MBD5: variants seen among roughly 807,000 people sequenced by gnomAD.
The protein encoded by MBD5 is methyl-CpG binding domain protein 5.
In MBD5, 13 loss-of-function variants were observed where a neutral mutation model predicts 117.3. That is an observed-to-expected ratio of 0.11 (90% CI 0.07 to 0.18). The LOEUF (loss-of-function observed/expected upper bound fraction) is 0.18, where lower values mean the gene tolerates loss of function less well. Among genes scored for constraint, MBD5 ranks in the 10% least tolerant of loss-of-function variants. The pLI is 1.00. For missense variants in MBD5, 1,879 were observed against 2,093.8 expected (o/e 0.90, Z 2.00); for synonymous variants, 727 against 766.4 (o/e 0.95, Z 0.85).
chr2:148,462,585 C>A lies in MBD5; in HGVS notation c.117C>A (p.Pro39=). The A allele has an allele frequency of 6.3e-7, 1 of 1,588,222 alleles. No individual in the cohort carries two copies. Among genetic ancestry groups the A allele is most frequent in the Non-Finnish European group, 8.6e-7 (1 of 1,157,132 alleles). ...VDQNGVLYVS[P]SGSLLSCLEQ... is the part of the protein sequence containing the mutation. Reference sequence around the variant, plus strand: ...TTTTTTTAAACTATTTTTACAGTCCCAGTGGGTCTTTGTTATCTTGCTTGG... The same window carrying A: ...TTTTTTTAAACTATTTTTACAGTCCAAGTGGGTCTTTGTTATCTTGCTTGG... Residue 39 remains proline (P), a synonymous_variant, in exon 6 of 14, where the codon CCC becomes CCA. Coordinates refer to ENST00000642680, the MANE Select transcript of MBD5 (RefSeq NM_001378120.1).
rs544744049 is a variant in MBD5, at chr2:148,159,389, C to A, written c.-924-19311C>A. Among the ~76,000 whole-genome samples the A allele has an allele frequency of 3.3e-5, 5 of 152,206 alleles. No homozygotes were observed. The East Asian group carries it at 5.8e-4, about 18-fold the overall frequency. On this transcript the variant is annotated intron_variant, in intron 1 of 13. Transcript: ENST00000642680. Reference sequence around the variant, plus strand: ...CTGGAGTGCAGTGGTACGATTGGCTCACTACAACCTCCACCTCCCAGGCTC... The same window carrying A: ...CTGGAGTGCAGTGGTACGATTGGCTAACTACAACCTCCACCTCCCAGGCTC...
chr2:148,030,579 GA>G (rs1297308969), intron 1 of MBD5, among the ~76,000 whole-genome samples: 1 of 152,098 alleles, frequency 6.6e-6, no homozygotes, highest in Admixed American at 6.5e-5. Flanking sequence ...AGTACATTAA[GA>G]AAAAATCTGG....
At chr2:148,075,738 G>GTC (rs1695493397) in intron 1 of MBD5, among the ~76,000 whole-genome samples, 1 of 151,446 alleles carries the variant, frequency 6.6e-6, no homozygotes, top group Non-Finnish European at 1.5e-5. Context: ...ATCTATAGGC[G>GTC]TCTCACTCAG....
At chr2:148,172,388 G>T (rs1460728153) in intron 1 of MBD5, among the ~76,000 whole-genome samples, 1 of 152,214 alleles carries the variant, frequency 6.6e-6, no homozygotes, top group Non-Finnish European at 1.5e-5. Flanking sequence ...CCAGTCAAGT[G>T]TGTGCATGCT....
chr2:148,456,242 G>A (rs988631638), intron 4 of MBD5, among the ~76,000 whole-genome samples: 3 of 152,080 alleles, frequency 2.0e-5, no homozygotes, highest in African/African-American at 7.2e-5. Context: ...CAAGATAAAG[G>A]CACTGGCAGA....
chr2:148,481,562 A>G (rs1681154395), intron 8 of MBD5, among the ~76,000 whole-genome samples: 1 of 152,224 alleles, frequency 6.6e-6, no homozygotes, highest in Non-Finnish European at 1.5e-5. Context: ...GTGTATTCTT[A>G]AAATAATAAA....
intron 1 of MBD5, among the ~76,000 whole-genome samples, chr2:148,066,991 A>G (rs1288027234): frequency 5.3e-5 from 8 of 152,190 alleles, no homozygotes; most frequent in African/African-American, 1.9e-4. Flanking sequence ...AGCAAAAGTG[A>G]TGTTCCCAGT....
intron 4 of MBD5, among the ~76,000 whole-genome samples, chr2:148,388,047 T>C (rs567928812): frequency 6.6e-6 from 1 of 152,290 alleles, no homozygotes; most frequent in South Asian, 2.1e-4. Context: ...AAGATGGAAT[T>C]GGCTCTGTCA....
intron 4 of MBD5, among the ~76,000 whole-genome samples, chr2:148,425,799 C>G (rs1003600596): frequency 5.3e-5 from 8 of 152,152 alleles, no homozygotes; most frequent in African/African-American, 1.9e-4. Context: ...GTGATTATCT[C>G]AATAGATGCA....
chr2:148,304,316 A>G (rs1701840849), intron 3 of MBD5, among the ~76,000 whole-genome samples: 1 of 152,224 alleles, frequency 6.6e-6, no homozygotes, highest in African/African-American at 2.4e-5. Context: ...CAATTTGCAC[A>G]AAAGTGCCAC....
chr2:148,446,681 C>T (rs1309829021), intron 4 of MBD5, among the ~76,000 whole-genome samples: 1 of 150,158 alleles, frequency 6.7e-6, no homozygotes, highest in East Asian at 2.0e-4. Flanking sequence ...TTAATTATAT[C>T]AGAGCACCTA....
At chr2:148,368,021 G>A (rs770389673) in intron 4 of MBD5, among the ~76,000 whole-genome samples, 3 of 152,124 alleles carry the variant, frequency 2.0e-5, no homozygotes, top group Non-Finnish European at 4.4e-5. Context: ...AAAGACACAT[G>A]CTCATGTACG....
chr2:148,456,485 T>G (rs1459458401), intron 4 of MBD5, among the ~76,000 whole-genome samples: 1 of 152,188 alleles, frequency 6.6e-6, no homozygotes, highest in Non-Finnish European at 1.5e-5. Flanking sequence ...ACCATCTTTG[T>G]ACTCCCAGCA....
At position 148,145,631 on chromosome 2, in the gene MBD5, C is replaced by G. The variant is rs529189677; in HGVS notation, c.-924-33069C>G. On this transcript the variant is annotated intron_variant, in intron 1 of 13. Transcript: ENST00000642680. ...ATTTTGAGATACATCCCATCAATAC[C>G]TAGTTTATTGAGAGTTTTTAGCATG... 2.0e-5 allele frequency among the ~76,000 whole-genome samples: 3 copies of G among 152,224 alleles called. No individual in the cohort carries two copies. The East Asian group carries it at 5.8e-4, about 29-fold the overall frequency.
At chr2:148,410,855 A>C (rs1441502779) in intron 4 of MBD5, among the ~76,000 whole-genome samples, 1 of 152,102 alleles carries the variant, frequency 6.6e-6, no homozygotes, top group Non-Finnish European at 1.5e-5. Flanking sequence ...AGAAGTTTTA[A>C]TTTTTTTAAC....
intron 1 of MBD5, among the ~76,000 whole-genome samples, chr2:148,070,057 G>T (rs752258705): frequency 6.6e-6 from 1 of 152,090 alleles, no homozygotes; most frequent in South Asian, 2.1e-4. Flanking sequence ...CCAGCTGTAT[G>T]TTAAGGCCCA....
At chr2:148,462,150 T>A (rs1707103906) in intron 5 of MBD5, among the ~76,000 whole-genome samples, 1 of 152,176 alleles carries the variant, frequency 6.6e-6, no homozygotes, top group African/African-American at 2.4e-5. Context: ...TTGCCAACTT[T>A]CTGGTTCGAA....
intron 2 of MBD5, among the ~76,000 whole-genome samples, chr2:148,226,315 A>C (rs1699819404): frequency 6.6e-6 from 1 of 151,562 alleles, no homozygotes; most frequent in Non-Finnish European, 1.5e-5. Flanking sequence ...TCCTGTGTCC[A>C]TGTGTTCTCA....
intron 4 of MBD5, among the ~76,000 whole-genome samples, chr2:148,442,898 C>A (rs1302409677): frequency 6.6e-6 from 1 of 151,236 alleles, no homozygotes; most frequent in Non-Finnish European, 1.5e-5. Context: ...ACAAATAGGA[C>A]CACATCAAGT....
Sources: allele counts gnomAD v4.1 joint callset (sites outside exome capture counted in the v4.1 genomes callset), GRCh38; gene constraint gnomAD v4.1.1; transcripts MANE v1.5; gene names NCBI Gene and HGNC (gene_info 2026-07-23, HGNC 2026-07-21).